PPP2R2B: variants seen among roughly 807,000 people sequenced by gnomAD.
PPP2R2B encodes protein phosphatase 2 regulatory subunit Bbeta.
In PPP2R2B, 5 loss-of-function variants were observed where a neutral mutation model predicts 46.0. The observed-to-expected ratio is 0.11, with a 90% CI of 0.06 to 0.23. The LOEUF (loss-of-function observed/expected upper bound fraction) is 0.23, where lower values mean the gene tolerates loss of function less well. Ranked by LOEUF, PPP2R2B falls within the 10% of genes least tolerant of loss-of-function variation. The pLI, the probability that PPP2R2B is intolerant of heterozygous loss-of-function variation, is 1.00. For synonymous variants in PPP2R2B, 215 were observed against 206.7 expected, an observed-to-expected ratio of 1.04 and a Z score of -0.34; for missense variants, 367 against 575.0, an observed-to-expected ratio of 0.64 and a Z score of 3.70.
chr5:146,839,693 A>T (rs1324392868), intron 2 of PPP2R2B, among the ~76,000 whole-genome samples: 4 of 152,354 alleles, frequency 2.6e-5, no homozygotes, highest in Admixed American at 2.6e-4. Flanking sequence ...AATCATCAGC[A>T]ACTTGGAGAG....
intron 2 of PPP2R2B, among the ~76,000 whole-genome samples, chr5:146,794,116 C>G (rs1180834567): frequency 6.6e-6 from 1 of 152,106 alleles, no homozygotes; most frequent in Non-Finnish European, 1.5e-5. Context: ...ATAAAACTGG[C>G]CTTTATCTTA....
intron 6 of PPP2R2B, among the ~76,000 whole-genome samples, chr5:146,639,084 A>G (rs1012590937): frequency 2.6e-5 from 4 of 152,246 alleles, no homozygotes; most frequent in Non-Finnish European, 1.5e-5. Flanking sequence ...CTCCATGTGC[A>G]TAAAGAAACT....
chr5:146,760,343 T>C (rs920655638), intron 2 of PPP2R2B, among the ~76,000 whole-genome samples: 1 of 152,192 alleles, frequency 6.6e-6, no homozygotes, highest in African/African-American at 2.4e-5. Context: ...AAGTAGAAAA[T>C]TAAGCTTGTC....
chr5:146,743,313 T>C (rs1031380728), intron 2 of PPP2R2B, among the ~76,000 whole-genome samples: 4 of 152,216 alleles, frequency 2.6e-5, no homozygotes, highest in African/African-American at 9.6e-5. Flanking sequence ...TGAAAGGACT[T>C]GGGCAGTGAT....
At chr5:147,005,432 G>A (rs1208393869) in intron 1 of PPP2R2B, among the ~76,000 whole-genome samples, 1 of 152,206 alleles carries the variant, frequency 6.6e-6, no homozygotes, top group Non-Finnish European at 1.5e-5. Context: ...TAGCAAGTAT[G>A]CTTATCTAAT....
intron 7 of PPP2R2B, among the ~76,000 whole-genome samples, chr5:146,632,596 A>G (rs1774516890): frequency 6.6e-6 from 1 of 151,400 alleles, no homozygotes; most frequent in Admixed American, 6.6e-5. Context: ...TATTCCAGTC[A>G]GCAAGACAGA....
chr5:146,915,799 G>GC (rs904409769), intron 1 of PPP2R2B, among the ~76,000 whole-genome samples: 2 of 152,010 alleles, frequency 1.3e-5, no homozygotes, highest in African/African-American at 4.8e-5. Context: ...TCTTGTGCTT[G>GC]CCTCCTCCTT....
chr5:146,780,878 C>T (rs1218188671), intron 2 of PPP2R2B, among the ~76,000 whole-genome samples: 1 of 151,920 alleles, frequency 6.6e-6, no homozygotes, highest in Non-Finnish European at 1.5e-5. Context: ...ATATATCTCA[C>T]ACCTCTTTCT....
intron 2 of PPP2R2B, among the ~76,000 whole-genome samples, chr5:146,757,063 A>G (rs1753878506): frequency 6.6e-6 from 1 of 152,140 alleles, no homozygotes; most frequent in Non-Finnish European, 1.5e-5. Context: ...AGCCTTTCAA[A>G]ACACATGGGG....
chr5:146,943,471 C>T (rs762533847), intron 1 of PPP2R2B, among the ~76,000 whole-genome samples: 1 of 152,188 alleles, frequency 6.6e-6, no homozygotes, highest in Non-Finnish European at 1.5e-5. Flanking sequence ...AAACCCTTTT[C>T]TCTCCCATTC....
At chr5:146,839,802 C>T (rs576438233) in intron 2 of PPP2R2B, among the ~76,000 whole-genome samples, 107 of 152,340 alleles carry the variant, frequency 7.0e-4, no homozygotes, top group African/African-American at 2.5e-3. Flanking sequence ...ACAGCCACAA[C>T]TTCCCTGCCT....
At chr5:146,594,267 A>T (rs1770946077) in intron 8 of PPP2R2B, among the ~76,000 whole-genome samples, 3 of 152,204 alleles carry the variant, frequency 2.0e-5, no homozygotes, top group Non-Finnish European at 4.4e-5. Flanking sequence ...CAGGAGAGAG[A>T]AAGGGTTGAG....
intron 2 of PPP2R2B, among the ~76,000 whole-genome samples, chr5:146,754,729 G>A (rs749679035): frequency 3.9e-5 from 6 of 152,196 alleles, no homozygotes; most frequent in Non-Finnish European, 7.3e-5. Flanking sequence ...CAACTACTGT[G>A]TTTTAAGGAC....
intron 5 of PPP2R2B, among the ~76,000 whole-genome samples, chr5:146,675,606 C>T (rs973206764): frequency 2.6e-5 from 4 of 152,136 alleles, no homozygotes; most frequent in African/African-American, 9.7e-5. Context: ...CTGGGAAAGC[C>T]TTGGTGGCTG....
chr5:146,700,662 T>C (rs1259573233), intron 3 of PPP2R2B, among the ~76,000 whole-genome samples: 1 of 152,088 alleles, frequency 6.6e-6, no homozygotes, highest in Admixed American at 6.5e-5. Flanking sequence ...AAATAAACTA[T>C]GTTTTTTTCC....
chr5:146,831,976 CAT>C (rs1245943342), intron 2 of PPP2R2B, among the ~76,000 whole-genome samples: 3 of 152,142 alleles, frequency 2.0e-5, no homozygotes, highest in East Asian at 3.8e-4. Flanking sequence ...CCTAAGGTAA[CAT>C]GTGTTCTTTT....
At chr5:146,879,722 A>G (rs1202360769), upstream of PPP2R2B, among the ~76,000 whole-genome samples, 2 of 152,206 alleles carry the variant, frequency 1.3e-5, no homozygotes, top group African/African-American at 2.4e-5. Flanking sequence ...TGAGATTACT[A>G]TTGTTATGAA....
chr5:146,878,344 C>T lies in PPP2R2B; in HGVS notation c.-124-149G>A. The T allele has an allele frequency of 7.0e-7, 1 of 1,437,768 alleles. No individual in the cohort carries two copies. Among genetic ancestry groups the T allele is most frequent in the Non-Finnish European group, 9.1e-7 (1 of 1,102,642 alleles). The allele number at this position is 1,437,768 out of a possible 1,614,324, so 89.1% of individuals were successfully genotyped here. A position where few individuals can be genotyped will look rare whatever the true frequency, so the allele number is the denominator to read the frequency against. On this transcript the variant is annotated intron_variant, in intron 1 of 9. Transcript: ENST00000394411. The surrounding 1 kb of genome is among the most constrained non-coding windows in gnomAD (Gnocchi z 4.5). ...TCCAGTTCCCAGCGAGGATGCTGCG[C>T]CTGCCTCCGCTGCCTCCGGGTGCCA... is the stretch of plus-strand genomic sequence containing the variant.
chr5:146,601,647 T>C (rs981650998), intron 7 of PPP2R2B, among the ~76,000 whole-genome samples: 21 of 152,264 alleles, frequency 1.4e-4, no homozygotes, highest in African/African-American at 5.1e-4. Context: ...GATACTTCTC[T>C]GTGCCTTAGG....
Sources: gnomAD v4.1 joint callset for allele counts (sites outside exome capture counted in the v4.1 genomes callset) on GRCh38, gnomAD v4.1.1 for gene constraint, Gnocchi (gnomAD v3.1) non-coding constraint, MANE v1.5 for transcripts, NCBI Gene and HGNC (gene_info 2026-07-23, HGNC 2026-07-21) for gene names.